The following LEF1 variants were observed in gnomAD, a reference collection of about 807,000 sequenced individuals.
The protein encoded by LEF1 is lymphoid enhancer binding factor 1.
A neutral mutation model predicts 51.2 loss-of-function variants in LEF1; 14 were observed. The ratio of observed to expected loss-of-function variants is 0.27; its 90% confidence interval spans 0.18 to 0.43. The LOEUF (loss-of-function observed/expected upper bound fraction) is 0.43, where lower values mean the gene tolerates loss of function less well. LEF1 is among the 20% of genes least tolerant of loss of function. The pLI, the probability that LEF1 is intolerant of heterozygous loss-of-function variation, is 1.00. For missense variants in LEF1, 386 were observed against 512.0 expected, an observed-to-expected ratio of 0.75 and a Z score of 2.37; for synonymous variants, 185 against 183.2, an observed-to-expected ratio of 1.01 and a Z score of -0.08.
chr4:108,089,176 A>G lies in LEF1; in HGVS notation c.496T>C (p.Ser166Pro), dbSNP rs1739845284. The G allele has an allele frequency of 6.2e-7, 1 of 1,613,988 alleles. No individual in the cohort carries two copies. The highest frequency in any genetic ancestry group is 2.2e-5 in the East Asian group (1 of 44,872). The change falls in exon 4 of 12, where the codon TCT becomes CCT. Residue 166 changes from serine (S) to proline (P), a missense_variant. Around this residue, in one of 2 missense-constraint regions of LEF1, gnomAD observed 335 missense variants for 390.7 expected, o/e 0.86. Coordinates refer to ENST00000265165, the MANE Select transcript of LEF1 (RefSeq NM_016269.5). ...ATGTGTGACGGGTGTGATCCTGGAGAAAAGTGCTCGTCACTGTAAGTGATG... is the reference window on the plus strand; with the variant it reads ...ATGTGTGACGGGTGTGATCCTGGAGGAAAGTGCTCGTCACTGTAAGTGATG... ...PLITYSDEHF[S>P]PGSHPSHIPS...
At chr4:108,140,460 C>A (rs757476484) in intron 3 of LEF1, among the ~76,000 whole-genome samples, 1 of 152,082 alleles carries the variant, frequency 6.6e-6, no homozygotes, top group African/African-American at 2.4e-5. Flanking sequence ...ACCCAGGGAC[C>A]GGAGGGGATT....
chr4:108,125,980 T>C (rs1015631883), intron 3 of LEF1, among the ~76,000 whole-genome samples: 5 of 152,204 alleles, frequency 3.3e-5, no homozygotes, highest in African/African-American at 7.2e-5. Flanking sequence ...CCAATTACAA[T>C]GTTTAAGTAC....
At chr4:108,054,481 C>T (rs1291659154) in intron 11 of LEF1, among the ~76,000 whole-genome samples, 3 of 152,130 alleles carry the variant, frequency 2.0e-5, no homozygotes, top group African/African-American at 7.2e-5. Context: ...GAAATCTGTC[C>T]CCTCCACCCC....
chr4:108,135,354 C>T (rs149630586), intron 3 of LEF1, among the ~76,000 whole-genome samples: 143 of 152,286 alleles, frequency 9.4e-4, no homozygotes, highest in African/African-American at 3.0e-3. Flanking sequence ...CAACAGCAAA[C>T]GTTCTGAAAC....
intron 3 of LEF1, among the ~76,000 whole-genome samples, chr4:108,108,237 C>T (rs531251818): frequency 1.3e-5 from 2 of 152,286 alleles, no homozygotes; most frequent in African/African-American, 4.8e-5. Context: ...CCACATCAAC[C>T]TTCAGGTGCT....
intron 3 of LEF1, among the ~76,000 whole-genome samples, chr4:108,159,178 G>A (rs751732361): frequency 7.2e-5 from 11 of 152,154 alleles, no homozygotes; most frequent in Non-Finnish European, 1.2e-4. Context: ...GTATTTGATG[G>A]GGGAATGGCA....
intron 3 of LEF1, chr4:108,104,827 G>A (rs981126561): frequency 4.7e-5 from 10 of 213,134 alleles, no homozygotes; most frequent in Non-Finnish European, 7.3e-5. Flanking sequence ...ACTCTCTGGG[G>A]GCATGCCGGT....
chr4:108,052,052 C>T (rs1737032056), intron 11 of LEF1, among the ~76,000 whole-genome samples: 1 of 152,136 alleles, frequency 6.6e-6, no homozygotes, highest in African/African-American at 2.4e-5. Flanking sequence ...GGGTTCCTCC[C>T]CAGGCTGTCC....
chr4:108,149,549 T>C (rs1270149641), intron 3 of LEF1, among the ~76,000 whole-genome samples: 1 of 149,354 alleles, frequency 6.7e-6, no homozygotes, highest in African/African-American at 2.5e-5. Context: ...AACTTTAACA[T>C]CCATAACTGA....
chr4:108,141,434 C>CT (rs1474872647), intron 3 of LEF1, among the ~76,000 whole-genome samples: 7 of 152,276 alleles, frequency 4.6e-5, no homozygotes, highest in African/African-American at 1.7e-4. Context: ...TGTGGCATGT[C>CT]AGCGGGACTC....
chr4:108,081,812 G>A (rs1175491812), intron 5 of LEF1, 143 bp from the exon 6 acceptor site: 6 of 638,128 alleles, frequency 9.4e-6, no homozygotes, highest in Non-Finnish European at 1.4e-5. Context: ...TTTCAGAAAC[G>A]TAACCGTTCC....
intron 3 of LEF1, among the ~76,000 whole-genome samples, chr4:108,099,301 T>C (rs1028059545): frequency 6.6e-6 from 1 of 151,862 alleles, no homozygotes; most frequent in Admixed American, 6.6e-5. Flanking sequence ...AATTTGTAGG[T>C]GGGACTGCCC....
chr4:108,097,934 T>C (rs1740500737), intron 3 of LEF1, among the ~76,000 whole-genome samples: 2 of 152,158 alleles, frequency 1.3e-5, no homozygotes, highest in Admixed American at 1.3e-4. Context: ...AAAAGCTTTC[T>C]CTGTCTACCA....
At chr4:108,065,364 A>T (rs1045698333) in intron 9 of LEF1, among the ~76,000 whole-genome samples, 1 of 152,208 alleles carries the variant, frequency 6.6e-6, no homozygotes, top group Non-Finnish European at 1.5e-5. Context: ...GTGCGCCTGT[A>T]ATCTCAGCTA....
intron 3 of LEF1, among the ~76,000 whole-genome samples, chr4:108,099,576 A>ATGTGTGTG (rs1740646435): frequency 7.6e-5 from 3 of 39,550 alleles, no homozygotes; most frequent in Admixed American, 2.7e-4. Flanking sequence ...GTGTGTATAT[A>ATGTGTGTG]TATATATATA....
chr4:108,133,429 C>G (rs1345035028), intron 3 of LEF1, among the ~76,000 whole-genome samples: 1 of 152,218 alleles, frequency 6.6e-6, no homozygotes, highest in Non-Finnish European at 1.5e-5. Context: ...CCTGTACTCT[C>G]CAGCATAGTG....
intron 8 of LEF1, chr4:108,071,958 A>C (rs1161425221): frequency 6.6e-6 from 1 of 152,212 alleles, no homozygotes; most frequent in Non-Finnish European, 1.5e-5. Context: ...CACATAAACT[A>C]TGTGCACACC....
At chr4:108,098,922 AC>A (rs1392754756) in intron 3 of LEF1, among the ~76,000 whole-genome samples, 11 of 152,228 alleles carry the variant, frequency 7.2e-5, no homozygotes, top group African/African-American at 2.7e-4. Flanking sequence ...TGATATTTAC[AC>A]TGTAAGATCA....
chr4:108,102,778 TG>T (rs987325992), intron 3 of LEF1, among the ~76,000 whole-genome samples: 3 of 152,162 alleles, frequency 2.0e-5, no homozygotes, highest in Non-Finnish European at 4.4e-5. Context: ...GACACATCTT[TG>T]GCAGTGTGGT....
Sources: gnomAD v4.1 joint callset for allele counts (sites outside exome capture counted in the v4.1 genomes callset) on GRCh38, gnomAD v4.1.1 for gene constraint, gnomAD v4.1.1 regional missense constraint, MANE v1.5 for transcripts, NCBI Gene and HGNC (gene_info 2026-07-23, HGNC 2026-07-21) for gene names.